RTN4RL2: variants seen among roughly 807,000 people sequenced by gnomAD.
RTN4RL2 encodes the protein reticulon 4 receptor like 2.
In RTN4RL2, 9 loss-of-function variants were observed where a neutral mutation model predicts 27.8. That is an observed-to-expected ratio of 0.32 (90% CI 0.20 to 0.57). The LOEUF is 0.57. RTN4RL2 is among the 20% of genes least tolerant of loss of function. The pLI, the probability that RTN4RL2 is intolerant of heterozygous loss-of-function variation, is 0.90. For synonymous variants in RTN4RL2, 285 were observed against 297.9 expected (o/e 0.96, Z 0.45); for missense variants, 436 against 596.8 (o/e 0.73, Z 2.81).
chr11:57,470,377 A>G (rs182227740), intron 2 of RTN4RL2, among the ~76,000 whole-genome samples: 1 of 152,170 alleles, frequency 6.6e-6, no homozygotes. Context: ...CCTCCTGAGT[A>G]ACTAAGATTA....
Position 57,476,419 on chromosome 11 carries a change from G to A in RTN4RL2, c.771G>A (p.Arg257=). The change falls in exon 3 of 3, where the codon CGG becomes CGA. Residue 257 remains arginine (R), a synonymous_variant. Coordinates refer to ENST00000335099, the MANE Select transcript of RTN4RL2 (RefSeq NM_178570.3). The surrounding 1 kb of genome is among the most constrained non-coding windows in gnomAD (Gnocchi z 8.2). Reference sequence around the variant, plus strand: ...ACCTGCCCTCGCTCGAGTTCCTGCGGCTCAACGCTAACCCCTGGGCGTGCG... The same window carrying A: ...ACCTGCCCTCGCTCGAGTTCCTGCGACTCAACGCTAACCCCTGGGCGTGCG... ...LADLPSLEFL[R]LNANPWACDC... is the part of the protein sequence containing the mutation. The A allele has an allele frequency of 6.3e-7, 1 of 1,598,800 alleles. No individual in the cohort carries two copies. Among genetic ancestry groups the A allele is most frequent in the Non-Finnish European group, 8.5e-7 (1 of 1,177,788 alleles).
chr11:57,476,614 C>A lies in RTN4RL2; in HGVS notation c.966C>A (p.Ala322=). 7.1e-7 allele frequency: 1 copy of A among 1,411,646 alleles called. No individual in the cohort carries two copies. Among genetic ancestry groups the A allele is most frequent in the Admixed American group, 3.3e-5 (1 of 30,562 alleles). 87.4% of individuals were successfully genotyped at this position (1,411,646 alleles called of 1,614,324 possible). ...PAAPTRPGSR[A]RGNSSSNHLY... is the part of the protein sequence containing the mutation. ...CACCCACGCGGCCGGGCAGCCGCGC[C>A]CGCGGCAACAGCTCCTCCAACCACC... The change falls in exon 3 of 3, where the codon GCC becomes GCA. Residue 322 remains alanine (A), a synonymous_variant. Transcript: ENST00000335099. The surrounding 1 kb of genome is among the most constrained non-coding windows in gnomAD (Gnocchi z 8.2).
chr11:57,460,830 C>G lies in RTN4RL2; in HGVS notation c.-36C>G, dbSNP rs751036102. On this transcript the variant is annotated 5_prime_UTR_variant, in exon 1 of 3. Coordinates refer to ENST00000335099, the MANE Select transcript of RTN4RL2 (RefSeq NM_178570.3). ...CTCAGGGAGCGAGTGGGAGCGCCCT[C>G]CCCCCGCTGCCCCCTCCCCCGAGCA... 16 of 1,345,692 alleles carry G rather than the reference C, an allele frequency of 1.2e-5. No individual in the cohort carries two copies. The South Asian group carries it at 2.3e-4, about 20-fold the overall frequency. The allele number at this position is 1,345,692 out of a possible 1,614,324, so 83.4% of individuals were successfully genotyped here.
chr11:57,477,038 C>G lies in RTN4RL2; in HGVS notation c.*127C>G, dbSNP rs1943602721. 3.0e-6 allele frequency: 3 copies of G among 989,514 alleles called. No individual in the cohort carries two copies. The highest frequency in any genetic ancestry group is 4.2e-6 in the Non-Finnish European group (3 of 708,772). 61.3% of individuals were successfully genotyped at this position (989,514 alleles called of 1,614,324 possible). A position where few individuals can be genotyped will look rare whatever the true frequency, so the allele number is the denominator to read the frequency against. On this transcript the variant is annotated 3_prime_UTR_variant, in exon 3 of 3. Coordinates refer to ENST00000335099, the MANE Select transcript of RTN4RL2 (RefSeq NM_178570.3). The stretch of plus-strand genomic sequence containing the variant: ...GCCTCCCTTTCCCCTCCCAGCTCCT[C>G]TCCTCCCCGGGGAGCAGGCCGCCTC...
At chr11:57,461,878 G>A (rs769097263) in intron 1 of RTN4RL2, among the ~76,000 whole-genome samples, 4 of 151,834 alleles carry the variant, frequency 2.6e-5, no homozygotes, top group Non-Finnish European at 1.5e-5. Flanking sequence ...GGAGGAGGAA[G>A]AGAAAGGCTG....
intron 2 of RTN4RL2, among the ~76,000 whole-genome samples, chr11:57,474,442 C>T (rs1455733764): frequency 6.6e-6 from 1 of 152,152 alleles, no homozygotes; most frequent in African/African-American, 2.4e-5. Context: ...GGGTGGCAGG[C>T]ATGGGGAGGA....
intron 2 of RTN4RL2, among the ~76,000 whole-genome samples, chr11:57,470,583 A>G (rs1208016216): frequency 7.1e-6 from 1 of 140,750 alleles, no homozygotes; most frequent in African/African-American, 3.3e-5. Context: ...TGTAAGGATT[A>G]AAATGTAAGG....
chr11:57,464,642 C>G (rs1943508574), intron 1 of RTN4RL2, among the ~76,000 whole-genome samples: 1 of 152,194 alleles, frequency 6.6e-6, no homozygotes, highest in South Asian at 2.1e-4. Context: ...CGCTTGCTCT[C>G]TCTGAGCTCC....
intron 1 of RTN4RL2, among the ~76,000 whole-genome samples, chr11:57,466,168 A>ATT (rs1015005976): frequency 6.7e-6 from 1 of 148,540 alleles, no homozygotes; most frequent in Non-Finnish European, 1.5e-5. Flanking sequence ...GCCCGGCTAA[A>ATT]TTTTTTTTTT....
chr11:57,474,972 C>T (rs1245884196), intron 2 of RTN4RL2, among the ~76,000 whole-genome samples: 1 of 152,174 alleles, frequency 6.6e-6, no homozygotes, highest in African/African-American at 2.4e-5. Flanking sequence ...CCTCCCCTGC[C>T]GCCTCTGGGG....
In RTN4RL2 at chr11:57,476,718, G is replaced by A. The variant is rs1451148314; in HGVS notation, c.1070G>A (p.Arg357Gln). ...LYRDLPAEDS[R>Q]GRQGGDAPTE... ...CGAGATCTGCCTGCCGAAGACTCGC[G>A]GGGGCGCCAGGGCGGGGACGCGCCT... Residue 357 changes from arginine to glutamine, a missense_variant, in exon 3 of 3, where the codon CGG becomes CAG. By Grantham distance (43) the Arg-to-Gln change is conservative. Around this residue, in one of 3 missense-constraint regions of RTN4RL2, gnomAD observed 365 missense variants for 530.5 expected, o/e 0.69. Transcript: ENST00000335099. This position sits in a 1 kb window ranked among gnomAD's most constrained non-coding sequence, Gnocchi z 8.2. 2.1e-6 allele frequency: 3 copies of A among 1,433,000 alleles called. No homozygotes were observed. Among genetic ancestry groups the A allele is most frequent in the Non-Finnish European group, 2.7e-6 (3 of 1,101,110 alleles). The allele number at this position is 1,433,000 out of a possible 1,614,324, so 88.8% of individuals were successfully genotyped here. A position where few individuals can be genotyped will look rare whatever the true frequency, so the allele number is the denominator to read the frequency against.
chr11:57,463,935 C>T (rs566463680), intron 1 of RTN4RL2, among the ~76,000 whole-genome samples: 2 of 152,338 alleles, frequency 1.3e-5, no homozygotes, highest in South Asian at 4.1e-4. Context: ...AGCCCCCTCC[C>T]CTCCCCTCCT....
At position 57,476,946 on chromosome 11, in the gene RTN4RL2, TC is replaced by T; in HGVS notation, c.*39del. On this transcript the variant is annotated 3_prime_UTR_variant, in exon 3 of 3. Transcript: ENST00000335099. The surrounding 1 kb of genome is among the most constrained non-coding windows in gnomAD (Gnocchi z 8.2). Reference sequence around the variant, plus strand: ...TGAGATCGAAGAGGCCAGTGTCCGATCCCCGCTTCCCGTCCACCCGGGGCTG... The same window carrying T: ...TGAGATCGAAGAGGCCAGTGTCCGATCCCGCTTCCCGTCCACCCGGGGCTG... 2.6e-6 allele frequency: 4 copies of T among 1,511,726 alleles called. No homozygotes were observed. Among genetic ancestry groups the T allele is most frequent in the Non-Finnish European group, 3.5e-6 (4 of 1,140,428 alleles). The allele number at this position is 1,511,726 out of a possible 1,614,324, so 93.6% of individuals were successfully genotyped here.
In RTN4RL2 at chr11:57,467,269, G is replaced by T. The variant is rs778465874; in HGVS notation, c.32-340G>T. Among the ~76,000 whole-genome samples the T allele has an allele frequency of 6.6e-6, 1 of 152,096 alleles. No individual in the cohort carries two copies. The highest frequency in any genetic ancestry group is 1.5e-5 in the Non-Finnish European group (1 of 68,016). Reference sequence around the variant, plus strand: ...TGTGTTGCCCAGGCTGGAGTGCAAGGGTGTGATCGTTGCTCACTACAGCCT... The same window carrying T: ...TGTGTTGCCCAGGCTGGAGTGCAAGTGTGTGATCGTTGCTCACTACAGCCT... On this transcript the variant is annotated intron_variant, in intron 1 of 2. Coordinates refer to ENST00000335099, the MANE Select transcript of RTN4RL2 (RefSeq NM_178570.3). The surrounding 1 kb of genome is among the most constrained non-coding windows in gnomAD (Gnocchi z 5.5).
rs1401391714 is a variant in RTN4RL2 at position 57,460,749 on chromosome 11, G to A, written c.-117G>A. 1.1e-5 allele frequency: 5 copies of A among 439,592 alleles called. No homozygotes were observed. Among genetic ancestry groups the A allele is most frequent in the Non-Finnish European group, 2.0e-5 (5 of 251,630 alleles). The allele number at this position is 439,592 out of a possible 1,614,324, so 27.2% of individuals were successfully genotyped here. A position where few individuals can be genotyped will look rare whatever the true frequency, so the allele number is the denominator to read the frequency against. On this transcript the variant is annotated 5_prime_UTR_variant, in exon 1 of 3. Coordinates refer to ENST00000335099, the MANE Select transcript of RTN4RL2 (RefSeq NM_178570.3). ...GCGCCGCGGCCCGGCCACGCAGCCCGGGGACTCCCGGGCCCTCCCGGAGCC... is the reference window on the plus strand; with the variant it reads ...GCGCCGCGGCCCGGCCACGCAGCCCAGGGACTCCCGGGCCCTCCCGGAGCC...
chr11:57,461,423 G>A (rs1271520456), intron 1 of RTN4RL2, among the ~76,000 whole-genome samples: 1 of 150,212 alleles, frequency 6.7e-6, no homozygotes, highest in Non-Finnish European at 1.5e-5. Flanking sequence ...ATAAGGGTGT[G>A]GGCCAGAGAC....
intron 2 of RTN4RL2, among the ~76,000 whole-genome samples, chr11:57,474,858 G>A (rs1943587277): frequency 6.6e-6 from 1 of 152,186 alleles, no homozygotes; most frequent in South Asian, 2.1e-4. Context: ...TAGTTCCAAG[G>A]TCCTTTCTGC....
chr11:57,470,656 C>T (rs1943557671), intron 2 of RTN4RL2, among the ~76,000 whole-genome samples: 1 of 147,314 alleles, frequency 6.8e-6, no homozygotes, highest in African/African-American at 2.7e-5. Context: ...ATAATAATTA[C>T]TACTACTACT....
chr11:57,476,102 G>C lies in RTN4RL2; in HGVS notation c.514-60G>C, dbSNP rs751734766. 4 of 1,512,432 alleles carry C rather than the reference G, an allele frequency of 2.6e-6. No individual in the cohort carries two copies. The highest frequency in any genetic ancestry group is 3.6e-6 in the Non-Finnish European group (4 of 1,119,712). The allele number at this position is 1,512,432 out of a possible 1,614,324, so 93.7% of individuals were successfully genotyped here. On this transcript the variant is annotated intron_variant, in intron 2 of 2. Coordinates refer to ENST00000335099, the MANE Select transcript of RTN4RL2 (RefSeq NM_178570.3). This position sits in a 1 kb window ranked among gnomAD's most constrained non-coding sequence, Gnocchi z 8.2. ...CCCTCCCCCGGCCAAGGCCCCAGCG[G>C]GGTCTGCACCCTACCTCAGGCCCAT...
Sources: allele counts gnomAD v4.1 joint callset (sites outside exome capture counted in the v4.1 genomes callset), GRCh38; gene constraint gnomAD v4.1.1; regional missense constraint gnomAD v4.1.1; non-coding constraint Gnocchi (gnomAD v3.1); transcripts MANE v1.5; gene names NCBI Gene and HGNC (gene_info 2026-07-23, HGNC 2026-07-21).